Variants in NF1 observed in about 807,000 individuals in gnomAD.
NF1 encodes the protein neurofibromin.
A neutral mutation model predicts 325.7 loss-of-function variants in NF1; 122 were observed. That is an observed-to-expected ratio of 0.37 (90% CI 0.32 to 0.44). The LOEUF (loss-of-function observed/expected upper bound fraction) is 0.44, where lower values mean the gene tolerates loss of function less well. NF1 is among the 20% of genes least tolerant of loss of function. The pLI is 1.00. For synonymous variants in NF1, 1,091 were observed against 1,186.0 expected (o/e 0.92, Z 1.65); for missense variants, 2,140 against 3,415.4 (o/e 0.63, Z 9.31).
chr17:31,131,126 T>G (rs1043311405), intron 1 of NF1, among the ~76,000 whole-genome samples: 5 of 152,142 alleles, frequency 3.3e-5, no homozygotes, highest in Admixed American at 3.3e-4. Context: ...AGGGCTAAAG[T>G]CTCCTATGGG....
intron 36 of NF1, 86 bp from the exon 37 acceptor site, chr17:31,325,734 A>G (rs1176318594): frequency 4.0e-6 from 4 of 1,005,596 alleles, no homozygotes; most frequent in Non-Finnish European, 6.1e-6. Flanking sequence ...TAGAAAATGA[A>G]TCATAAAATA....
chr17:31,131,918 TTC>T (rs1915425506), intron 1 of NF1, among the ~76,000 whole-genome samples: 1 of 152,088 alleles, frequency 6.6e-6, no homozygotes, highest in Non-Finnish European at 1.5e-5. Flanking sequence ...ATGTTTTTTT[TTC>T]TGTTTGTGTA....
At chr17:31,278,241 C>T (rs1021054152) in intron 36 of NF1, 6 of 152,058 alleles carry the variant, frequency 3.9e-5, no homozygotes, top group African/African-American at 1.4e-4. Context: ...TTCCAAAATT[C>T]TTAAGAAAAT....
At chr17:31,160,010 T>C (rs2065734552) in intron 3 of NF1, among the ~76,000 whole-genome samples, 1 of 152,022 alleles carries the variant, frequency 6.6e-6, no homozygotes, top group Admixed American at 6.5e-5. Context: ...GGGTAGGGCA[T>C]TGAAAAAAAA....
chr17:31,214,622 C>A (rs2143961353), intron 13 of NF1, 37 bp downstream of exon 13: 1 of 1,604,682 alleles, frequency 6.2e-7, no homozygotes, highest in Non-Finnish European at 8.5e-7. Flanking sequence ...AAAATTATCA[C>A]ACTAAGTTAA....
intron 36 of NF1, among the ~76,000 whole-genome samples, chr17:31,284,610 G>C (rs1372687040): frequency 6.6e-6 from 1 of 151,538 alleles, no homozygotes; most frequent in Non-Finnish European, 1.5e-5. Context: ...TTATAGAGAC[G>C]GGGTTTCGCT....
intron 37 of NF1, 142 bp from the exon 38 acceptor site, chr17:31,327,357 A>G (rs2151540490): frequency 1.5e-6 from 1 of 676,078 alleles, no homozygotes; most frequent in Non-Finnish European, 2.6e-6. Context: ...TAATTACTGA[A>G]CCATTTGAAT....
At chr17:31,157,795 T>A (rs996518646) in intron 2 of NF1, among the ~76,000 whole-genome samples, 28 of 122,142 alleles carry the variant, frequency 2.3e-4, no homozygotes, top group South Asian at 5.7e-4. Context: ...CCGTCTCTAC[T>A]AAAAAAAAAA....
chr17:31,211,392 A>T lies in NF1; in HGVS notation c.1393-3059A>T, dbSNP rs549795748. Among the ~76,000 whole-genome samples the T allele has an allele frequency of 2.6e-5, 4 of 152,386 alleles. No individual in the cohort carries two copies. In the South Asian group the frequency reaches 8.3e-4, roughly 32 times the overall value. On this transcript the variant is annotated intron_variant, in intron 12 of 57. Transcript: ENST00000358273. Reference sequence around the variant, plus strand: ...TGGAATTTCTGAAGTCATACATTTCATATTAGGCAACCATGTTGGAACAGA... The same window carrying T: ...TGGAATTTCTGAAGTCATACATTTCTTATTAGGCAACCATGTTGGAACAGA...
At chr17:31,367,393 A>G (rs2070546646) in intron 57 of NF1, 1 of 521,090 alleles carries the variant, frequency 1.9e-6, no homozygotes, top group Non-Finnish European at 3.2e-6. Flanking sequence ...TGCCTTAGGC[A>G]CTTTAGGAAC....
In NF1 at chr17:31,343,054, C is replaced by T. The variant is rs587781479; in HGVS notation, c.7108C>T (p.His2370Tyr). 6.2e-7 allele frequency: 1 copy of T among 1,613,990 alleles called. No homozygotes were observed. The highest frequency in any genetic ancestry group is 8.5e-7 in the Non-Finnish European group (1 of 1,179,898). The change falls in exon 48 of 58, where the codon CAC (histidine) becomes TAC (tyrosine). Residue 2370 changes from histidine (H) to tyrosine (Y), a missense_variant. This residue lies in a region of NF1 where 522 missense variants were observed against 749.0 expected (regional missense o/e 0.70). Coordinates refer to ENST00000358273, the MANE Select transcript of NF1 (RefSeq NM_001042492.3). ...GGCAATCCGGAATCCTCTGGAGTGG[C>T]ACTGCAAGCAAATGGATCATTTTGT... ...FMAIRNPLEW[H>Y]CKQMDHFVGL... is the part of the protein sequence containing the mutation.
chr17:31,114,877 A>G (rs143714540), intron 1 of NF1, among the ~76,000 whole-genome samples: 5 of 152,038 alleles, frequency 3.3e-5, no homozygotes, highest in African/African-American at 9.7e-5. Context: ...AAAGAATACA[A>G]ATCTTTGGTG....
chr17:31,155,327 T>C (rs2065639736), intron 1 of NF1, among the ~76,000 whole-genome samples: 1 of 151,790 alleles, frequency 6.6e-6, no homozygotes, highest in Non-Finnish European at 1.5e-5. Flanking sequence ...AATGTAAATG[T>C]GGTCTTCTCA....
chr17:31,227,675 C>T, intron 20 of NF1, 69 bp downstream of exon 20: 2 of 1,368,850 alleles, frequency 1.5e-6, no homozygotes, highest in Non-Finnish European at 1.0e-6. Flanking sequence ...CTTTGATAAT[C>T]TTTCAAGAGT....
intron 1 of NF1, among the ~76,000 whole-genome samples, chr17:31,109,486 C>T (rs1333490287): frequency 6.6e-6 from 1 of 151,802 alleles, no homozygotes; most frequent in African/African-American, 2.4e-5. Flanking sequence ...CAGGTTCAAA[C>T]GATTCTTGTG....
At chr17:31,355,761 G>C (rs1010405175) in intron 51 of NF1, 3 of 152,236 alleles carry the variant, frequency 2.0e-5, no homozygotes, top group African/African-American at 7.2e-5. Flanking sequence ...GATGTGGGAG[G>C]ATCACCTGAG....
At chr17:31,232,043 A>AAT in intron 24 of NF1, 30 bp from the exon 25 acceptor site, 3 of 589,640 alleles carry the variant, frequency 5.1e-6, no homozygotes, top group Non-Finnish European at 7.6e-6. Context: ...TGGTCTCTAA[A>AAT]TTTTTTTTTT....
intron 39 of NF1, 159 bp from the exon 40 acceptor site, chr17:31,334,679 G>A (rs530898270): frequency 1.4e-5 from 9 of 630,228 alleles, no homozygotes; most frequent in Admixed American, 1.1e-4. Flanking sequence ...TTCTTTCTTC[G>A]CCTCTACAAA....
chr17:31,357,693 A>G, intron 54 of NF1: 1 of 362,382 alleles, frequency 2.8e-6, no homozygotes, highest in Middle Eastern at 8.7e-4. Flanking sequence ...TTTACTTTTT[A>G]GTAGAGCTTT....
Sources: allele counts gnomAD v4.1 joint callset (sites outside exome capture counted in the v4.1 genomes callset), GRCh38; gene constraint gnomAD v4.1.1; regional missense constraint gnomAD v4.1.1; transcripts MANE v1.5; gene names NCBI Gene and HGNC (gene_info 2026-07-23, HGNC 2026-07-21).